LAMA3: variants seen among roughly 807,000 people sequenced by gnomAD.
LAMA3 encodes the protein laminin subunit alpha-3.
LAMA3 carries 281 observed loss-of-function variants against 402.0 expected under a neutral mutation model. The observed-to-expected ratio is 0.70, with a 90% CI of 0.63 to 0.77. The LOEUF (loss-of-function observed/expected upper bound fraction) is 0.77, where lower values mean the gene tolerates loss of function less well. Ranked by LOEUF, LAMA3 falls within the 30% of genes least tolerant of loss-of-function variation. LAMA3 has a pLI of 0.00. For missense variants in LAMA3, 3,840 were observed against 4,215.5 expected, an observed-to-expected ratio of 0.91 and a Z score of 2.47; for synonymous variants, 1,431 against 1,558.4, an observed-to-expected ratio of 0.92 and a Z score of 1.93.
At chr18:23,775,981 G>A in intron 10 of LAMA3, 58 bp downstream of exon 10, 1 of 1,591,064 alleles carries the variant, frequency 6.3e-7, no homozygotes, top group Middle Eastern at 1.7e-4. Flanking sequence ...TGGCTTTTGT[G>A]CACTAACCTC....
chr18:23,913,135 G>T (rs1819834377), intron 56 of LAMA3, among the ~76,000 whole-genome samples: 1 of 152,214 alleles, frequency 6.6e-6, no homozygotes, highest in Admixed American at 6.5e-5. Context: ...ACGTGGGCAT[G>T]TGTGTGTACA....
intron 42 of LAMA3, 104 bp from the exon 43 acceptor site, chr18:23,894,194 A>G (rs988833440): frequency 5.6e-6 from 5 of 889,890 alleles, no homozygotes; most frequent in Non-Finnish European, 9.3e-6. Flanking sequence ...TTTGCACCAA[A>G]CTAATAAAAC....
chr18:23,720,223 C>T (rs533742989), intron 2 of LAMA3, among the ~76,000 whole-genome samples: 27 of 152,234 alleles, frequency 1.8e-4, no homozygotes, highest in Admixed American at 1.4e-3. Flanking sequence ...TAATTAATTA[C>T]GGTTCGTTCC....
At chr18:23,915,065 T>G (rs1323915135) in intron 58 of LAMA3, among the ~76,000 whole-genome samples, 1 of 152,174 alleles carries the variant, frequency 6.6e-6, no homozygotes, top group Non-Finnish European at 1.5e-5. Context: ...TAAATAAGCA[T>G]CATGATCATT....
chr18:23,732,189 G>A (rs1363001452), intron 2 of LAMA3, among the ~76,000 whole-genome samples: 3 of 152,174 alleles, frequency 2.0e-5, no homozygotes, highest in African/African-American at 7.2e-5. Context: ...TGAGGTCAAG[G>A]TTGCTGGTCT....
At chr18:23,794,211 A>G (rs753567850) in intron 12 of LAMA3, among the ~76,000 whole-genome samples, 1 of 152,216 alleles carries the variant, frequency 6.6e-6, no homozygotes, top group South Asian at 2.1e-4. Flanking sequence ...CTCTGGGGAG[A>G]GTCTTAAGAC....
At chr18:23,719,159 CTT>C (rs1446400427) in intron 2 of LAMA3, among the ~76,000 whole-genome samples, 1 of 152,208 alleles carries the variant, frequency 6.6e-6, no homozygotes, top group African/African-American at 2.4e-5. Context: ...CTACTCAAGT[CTT>C]TGCCTCAGGG....
intron 32 of LAMA3, among the ~76,000 whole-genome samples, chr18:23,849,195 A>G (rs2063891093): frequency 6.6e-6 from 1 of 152,210 alleles, no homozygotes; most frequent in Non-Finnish European, 1.5e-5. Flanking sequence ...TATAGCAGCA[A>G]TGTTTGCTTT....
At chr18:23,697,886 A>G (rs560293193) in intron 1 of LAMA3, among the ~76,000 whole-genome samples, 39 of 152,008 alleles carry the variant, frequency 2.6e-4, no homozygotes, top group South Asian at 8.3e-4. Context: ...AGGCATGGGT[A>G]TGGCTGGTTT....
intron 1 of LAMA3, among the ~76,000 whole-genome samples, chr18:23,703,968 G>C (rs1024787662): frequency 6.6e-6 from 1 of 152,234 alleles, no homozygotes; most frequent in Non-Finnish European, 1.5e-5. Context: ...TTCCAAGTTA[G>C]GAAGGGAGCC....
intron 8 of LAMA3, among the ~76,000 whole-genome samples, chr18:23,769,645 T>A (rs1215547359): frequency 6.6e-6 from 1 of 152,130 alleles, no homozygotes; most frequent in Non-Finnish European, 1.5e-5. Flanking sequence ...GAACAGGGGA[T>A]GAAGTGCATG....
In LAMA3 at chr18:23,943,978, G is replaced by C. The variant is rs756197658; in HGVS notation, c.9210+7G>C. 9.9e-6 allele frequency: 16 copies of C among 1,613,282 alleles called. No individual in the cohort carries two copies. In the East Asian group the frequency reaches 3.3e-4, roughly 34 times the overall value. ...TGATGGGAAATGGCACACGGTAAGA[G>C]CTGGGGCTGTGTCAGTATCTCCAGT... On this transcript the variant is annotated splice_region_variant and intron_variant, in intron 69 of 74. Coordinates refer to ENST00000313654, the MANE Select transcript of LAMA3 (RefSeq NM_198129.4).
chr18:23,896,476 A>T (rs1273564781), intron 44 of LAMA3, among the ~76,000 whole-genome samples: 1 of 152,224 alleles, frequency 6.6e-6, no homozygotes, highest in Non-Finnish European at 1.5e-5. Flanking sequence ...GCTTTCCATG[A>T]TTTCAGTCCT....
intron 7 of LAMA3, among the ~76,000 whole-genome samples, chr18:23,762,562 C>T (rs2061990790): frequency 6.6e-6 from 1 of 151,412 alleles, no homozygotes; most frequent in South Asian, 2.1e-4. Flanking sequence ...GCACTCCAGC[C>T]TGGGTGACAG....
At chr18:23,891,343 A>G (rs2080656666) in intron 42 of LAMA3, among the ~76,000 whole-genome samples, 1 of 152,240 alleles carries the variant, frequency 6.6e-6, no homozygotes, top group South Asian at 2.1e-4. Context: ...TCCCTGAAAT[A>G]TGAGTTAAAT....
At chr18:23,885,047 G>A (rs1367707334) in intron 41 of LAMA3, among the ~76,000 whole-genome samples, 194 bp downstream of exon 41, 4 of 151,952 alleles carry the variant, frequency 2.6e-5, no homozygotes, top group African/African-American at 7.3e-5. Flanking sequence ...TGCTTTGTAC[G>A]TTTCAGAAAA....
At chr18:23,889,954 G>A (rs2080596351) in intron 41 of LAMA3, 57 bp from the exon 42 acceptor site, 1 of 1,310,804 alleles carries the variant, frequency 7.6e-7, no homozygotes, top group African/African-American at 1.5e-5. Context: ...GAGAAAATTG[G>A]TTGAGATAAA....
rs764711214 is a variant in LAMA3, at chr18:23,750,942, C to T, written c.709C>T (p.Arg237Cys). 5.6e-6 allele frequency: 9 copies of T among 1,614,018 alleles called. No individual in the cohort carries two copies. In the South Asian group the frequency reaches 7.7e-5, roughly 14 times the overall value. Residue 237 changes from arginine (R) to cysteine (C), a missense_variant, in exon 5 of 75, where the codon CGT becomes TGT. By Grantham distance (180) the Arg-to-Cys change is radical. Around this residue, in one of 3 missense-constraint regions of LAMA3, gnomAD observed 2,109 missense variants for 2,376.0 expected, o/e 0.89. Transcript: ENST00000313654. ...GEVVVSLINGRPGAKNFTFSH... is the reference protein window; with the variant it reads ...GEVVVSLINGCPGAKNFTFSH... ...GGTTGTGGTGTCCTTGATAAACGGT[C>T]GTCCAGGTGCAAAAAATTTTACTTT...
intron 62 of LAMA3, among the ~76,000 whole-genome samples, chr18:23,926,115 T>C (rs2145354923): frequency 6.6e-6 from 1 of 152,312 alleles, no homozygotes; most frequent in South Asian, 2.1e-4. Flanking sequence ...CAGTGCTCAA[T>C]AAATGTTAGA....
Sources: gnomAD v4.1 joint callset for allele counts (sites outside exome capture counted in the v4.1 genomes callset) on GRCh38, gnomAD v4.1.1 for gene constraint, gnomAD v4.1.1 regional missense constraint, MANE v1.5 for transcripts, NCBI Gene and HGNC (gene_info 2026-07-23, HGNC 2026-07-21) for gene names.